SEMA3D: variants seen among roughly 807,000 people sequenced by gnomAD.
The protein encoded by SEMA3D is semaphorin 3D.
A neutral mutation model predicts 100.1 loss-of-function variants in SEMA3D; 84 were observed. The observed-to-expected ratio is 0.84, with a 90% CI of 0.70 to 1.01. The LOEUF (loss-of-function observed/expected upper bound fraction) is 1.01, where lower values mean the gene tolerates loss of function less well. SEMA3D is among the 50% of genes least tolerant of loss of function. The probability of loss-of-function intolerance (pLI) is 0.00; values close to 1 mark genes in which losing one functional copy is unlikely to be tolerated. For missense variants in SEMA3D, 875 were observed against 934.1 expected (o/e 0.94, Z 0.82); for synonymous variants, 312 against 320.7 (o/e 0.97, Z 0.29).
chr7:85,222,552 A>G, the SEMA3D span, among the ~76,000 whole-genome samples: 1 of 152,054 alleles, frequency 6.6e-6, no homozygotes, highest in Admixed American at 6.6e-5. Flanking sequence ...CACTGTTCTA[A>G]AAGTATGGCC....
At chr7:85,021,207 T>C (rs549297901) in intron 13 of SEMA3D, among the ~76,000 whole-genome samples, 52 of 151,788 alleles carry the variant, frequency 3.4e-4, no homozygotes, top group Non-Finnish European at 6.0e-4. Context: ...GAATATTAAA[T>C]GTACATTTTT....
Position 85,065,289 on chromosome 7 carries a change from A to G in SEMA3D, c.718+135T>C, listed in dbSNP as rs143909212. On this transcript the variant is annotated intron_variant, in intron 8 of 18. Transcript: ENST00000284136. ...GTTTTGGAGATTTTCTTAGTGGGGAATTATTTCAAATGTATTTTATAATGT... is the reference window on the plus strand; with the variant it reads ...GTTTTGGAGATTTTCTTAGTGGGGAGTTATTTCAAATGTATTTTATAATGT... 1,143 of 779,676 alleles carry G rather than the reference A, an allele frequency of 1.5e-3. 5 individuals are homozygous for G. In the African/African-American group the frequency reaches 0.017, roughly 11 times the overall value. The allele number at this position is 779,676 out of a possible 1,614,324, so 48.3% of individuals were successfully genotyped here.
At chr7:85,054,006 T>C (rs1791240151) in intron 9 of SEMA3D, among the ~76,000 whole-genome samples, 1 of 151,934 alleles carries the variant, frequency 6.6e-6, no homozygotes. Flanking sequence ...TAGGTGTTTT[T>C]TCATAATATA....
intron 2 of SEMA3D, among the ~76,000 whole-genome samples, chr7:85,124,938 T>G (rs1789522756): frequency 6.6e-6 from 1 of 152,126 alleles, no homozygotes; most frequent in Non-Finnish European, 1.5e-5. Flanking sequence ...CATTCATCAG[T>G]GCTTCTCCAA....
At chr7:85,024,380 T>C (rs987215189) in intron 12 of SEMA3D, among the ~76,000 whole-genome samples, 2 of 152,080 alleles carry the variant, frequency 1.3e-5, no homozygotes, top group Admixed American at 1.3e-4. Context: ...GCTGTAGTTG[T>C]GCAGTAGCCA....
At chr7:85,142,507 T>C (rs1790083784) in intron 2 of SEMA3D, 1 of 983,848 alleles carries the variant, frequency 1.0e-6, no homozygotes, top group Non-Finnish European at 1.2e-6. Flanking sequence ...TATTTTTATT[T>C]AATCATTCTC....
chr7:85,220,492 C>T, the SEMA3D span, among the ~76,000 whole-genome samples: 2 of 151,828 alleles, frequency 1.3e-5, no homozygotes, highest in Admixed American at 1.3e-4. Context: ...ATATGATTAT[C>T]GGGAGAACTG....
At chr7:85,128,639 T>C (rs1311855994) in intron 2 of SEMA3D, among the ~76,000 whole-genome samples, 3 of 151,952 alleles carry the variant, frequency 2.0e-5, no homozygotes, top group Non-Finnish European at 4.4e-5. Context: ...TGTTGAATTA[T>C]ATGTCCATTT....
chr7:85,129,113 A>T (rs991323120), intron 2 of SEMA3D, among the ~76,000 whole-genome samples: 13 of 149,960 alleles, frequency 8.7e-5, no homozygotes, highest in African/African-American at 3.2e-4. Flanking sequence ...CTGCTCTTGA[A>T]CTCCTGGCCT....
intron 18 of SEMA3D, among the ~76,000 whole-genome samples, chr7:85,004,062 A>T (rs1427854033): frequency 2.0e-5 from 3 of 152,114 alleles, no homozygotes; most frequent in Non-Finnish European, 4.4e-5. Context: ...TTTAAGCAGG[A>T]ACATGATCTA....
chr7:85,198,663 T>C, the SEMA3D span, among the ~76,000 whole-genome samples: 5 of 151,908 alleles, frequency 3.3e-5, no homozygotes, highest in Non-Finnish European at 7.4e-5. Context: ...TCCATAATTA[T>C]TACCACTTGT....
intron 8 of SEMA3D, among the ~76,000 whole-genome samples, chr7:85,061,389 A>G (rs776666524): frequency 1.3e-5 from 2 of 152,208 alleles, no homozygotes; most frequent in Admixed American, 6.5e-5. Context: ...GGCACAGAAC[A>G]TAATATGCCA....
intron 4 of SEMA3D, among the ~76,000 whole-genome samples, chr7:85,090,095 A>C (rs897496915): frequency 1.3e-5 from 2 of 152,120 alleles, no homozygotes; most frequent in African/African-American, 4.8e-5. Flanking sequence ...TGACTTACTG[A>C]AGTTTAGTAA....
chr7:85,006,969 T>C (rs374930177), intron 17 of SEMA3D, 28 bp from the exon 18 acceptor site: 2 of 1,594,780 alleles, frequency 1.3e-6, no homozygotes, highest in Non-Finnish European at 1.7e-6. Context: ...AATAAGAGAT[T>C]AACCTTGACC....
At chr7:85,040,384 T>C (rs1248404672) in intron 11 of SEMA3D, among the ~76,000 whole-genome samples, 3 of 152,116 alleles carry the variant, frequency 2.0e-5, no homozygotes, top group East Asian at 1.9e-4. Flanking sequence ...TGAAGCATTA[T>C]ATGCAACAGT....
intron 15 of SEMA3D, among the ~76,000 whole-genome samples, chr7:85,015,794 T>C (rs1175175426): frequency 1.3e-5 from 2 of 151,820 alleles, no homozygotes; most frequent in African/African-American, 4.8e-5. Flanking sequence ...GGCTGCATGA[T>C]ACTGAAAAAC....
At chr7:85,028,360 C>T (rs770335070) in intron 12 of SEMA3D, 16 of 536,162 alleles carry the variant, frequency 3.0e-5, no homozygotes, top group South Asian at 1.1e-4. Flanking sequence ...TGCCAATTGT[C>T]GCTGCTATTG....
At chr7:85,106,072 G>A (rs1583928669) in intron 3 of SEMA3D, among the ~76,000 whole-genome samples, 1 of 152,036 alleles carries the variant, frequency 6.6e-6, no homozygotes, top group East Asian at 1.9e-4. Flanking sequence ...AAGCTTTGCT[G>A]GGATCTTTTT....
intron 14 of SEMA3D, among the ~76,000 whole-genome samples, 199 bp downstream of exon 14, chr7:85,020,034 G>A (rs1422034802): frequency 1.3e-5 from 2 of 151,530 alleles, no homozygotes; most frequent in South Asian, 2.1e-4. Context: ...TGAATTCAGC[G>A]GTATTCTACA....
Sources: allele counts gnomAD v4.1 joint callset (sites outside exome capture counted in the v4.1 genomes callset), GRCh38; gene constraint gnomAD v4.1.1; transcripts MANE v1.5; gene names NCBI Gene and HGNC (gene_info 2026-07-23, HGNC 2026-07-21).